The following ANKS1B variants were observed in gnomAD, a reference collection of about 807,000 sequenced individuals.
The protein encoded by ANKS1B is ankyrin repeat and sterile alpha motif domain containing 1B.
A neutral mutation model predicts 148.3 loss-of-function variants in ANKS1B; 36 were observed. The observed-to-expected ratio is 0.24, with a 90% CI of 0.19 to 0.32. The LOEUF is 0.32. Ranked by LOEUF, ANKS1B falls within the 10% of genes least tolerant of loss-of-function variation. ANKS1B has a pLI of 1.00. For synonymous variants in ANKS1B, 542 were observed against 560.8 expected, an observed-to-expected ratio of 0.97 and a Z score of 0.47; for missense variants, 1,157 against 1,542.6, an observed-to-expected ratio of 0.75 and a Z score of 4.19.
rs137904651 is a variant in ANKS1B at position 99,908,360 on chromosome 12, G to A, written c.134+75744C>T. 3.0e-4 allele frequency among the ~76,000 whole-genome samples: 46 copies of A among 152,070 alleles called. No individual in the cohort carries two copies. In the East Asian group the frequency reaches 7.2e-3, roughly 24 times the overall value. On this transcript the variant is annotated intron_variant, in intron 1 of 26. Transcript: ENST00000683438. ...TTTGGGAGGCTGAGGCTGGCAGATC[G>A]CTTGAGCTCAAAAGTTGGAGACCAG...
intron 8 of ANKS1B, among the ~76,000 whole-genome samples, chr12:99,770,586 G>A (rs1324477390): frequency 1.3e-5 from 2 of 151,718 alleles, no homozygotes; most frequent in African/African-American, 2.4e-5. Context: ...TTAAACATTC[G>A]CTAACAGGTT....
chr12:99,926,851 A>G (rs924545076), intron 1 of ANKS1B, among the ~76,000 whole-genome samples: 4 of 152,108 alleles, frequency 2.6e-5, no homozygotes, highest in Admixed American at 1.3e-4. Context: ...TGTGTTTACT[A>G]TCTTGTCTTC....
chr12:98,979,116 T>C (rs371235502), intron 17 of ANKS1B, among the ~76,000 whole-genome samples: 1 of 151,066 alleles, frequency 6.6e-6, no homozygotes, highest in East Asian at 2.0e-4. Context: ...CACTCTAGCC[T>C]GGGCAACAGA....
intron 17 of ANKS1B, among the ~76,000 whole-genome samples, chr12:98,878,716 A>C (rs1467897156): frequency 1.3e-5 from 2 of 152,194 alleles, no homozygotes; most frequent in African/African-American, 4.8e-5. Flanking sequence ...TGGGGAAACC[A>C]CATTGATTAA....
At chr12:98,900,030 C>A (rs1286744612) in intron 17 of ANKS1B, among the ~76,000 whole-genome samples, 1 of 152,140 alleles carries the variant, frequency 6.6e-6, no homozygotes, top group Non-Finnish European at 1.5e-5. Flanking sequence ...CCATCTGGAG[C>A]TATGTAGGGG....
chr12:99,261,071 T>G lies in ANKS1B; in HGVS notation c.1757-14207A>C, dbSNP rs534417355. The stretch of plus-strand genomic sequence containing the variant: ...GAAATATTAACCTAAAGTAAGAAAA[T>G]ATGGAAAGTGGTGTTCTAGCTCTGC... On this transcript the variant is annotated intron_variant, in intron 12 of 26. Coordinates refer to ENST00000683438, the MANE Select transcript of ANKS1B (RefSeq NM_001352186.2). Among the ~76,000 whole-genome samples, 6 of 152,234 alleles carry G rather than the reference T, an allele frequency of 3.9e-5. No individual in the cohort carries two copies. The South Asian group carries it at 1.0e-3, about 26-fold the overall frequency.
At chr12:98,976,367 C>A (rs1223686935) in intron 17 of ANKS1B, 1 of 152,198 alleles carries the variant, frequency 6.6e-6, no homozygotes, top group African/African-American at 2.4e-5. Flanking sequence ...TTACTAGAAT[C>A]TCCTTGATTT....
At chr12:99,063,906 C>A (rs750556796) in intron 16 of ANKS1B, among the ~76,000 whole-genome samples, 8 of 152,184 alleles carry the variant, frequency 5.3e-5, no homozygotes, top group Non-Finnish European at 1.0e-4. Context: ...CTGCTACTTG[C>A]AGCTCCTTTG....
intron 17 of ANKS1B, among the ~76,000 whole-genome samples, chr12:98,843,382 C>T (rs1481769393): frequency 6.6e-6 from 1 of 152,244 alleles, no homozygotes; most frequent in Non-Finnish European, 1.5e-5. Context: ...TTTGCCTCTT[C>T]ACACGTCAGC....
At chr12:98,794,422 AAGAC>A in intron 22 of ANKS1B, 1 of 203,990 alleles carries the variant, frequency 4.9e-6, no homozygotes, top group South Asian at 9.8e-5. Context: ...AAAAAAAAAA[AAGAC>A]TTCCTCTCAA....
intron 12 of ANKS1B, among the ~76,000 whole-genome samples, chr12:99,355,501 A>G (rs1324639986): frequency 6.6e-6 from 1 of 152,150 alleles, no homozygotes; most frequent in Non-Finnish European, 1.5e-5. Context: ...TGGGAGAATC[A>G]TATTATTCAG....
chr12:98,769,100 A>G (rs2098530715), intron 25 of ANKS1B, among the ~76,000 whole-genome samples: 2 of 150,588 alleles, frequency 1.3e-5, no homozygotes, highest in Admixed American at 6.6e-5. Context: ...ACAATTAAAA[A>G]TGTATACATA....
chr12:98,959,003 T>G (rs1017369757), intron 17 of ANKS1B, among the ~76,000 whole-genome samples: 1 of 152,216 alleles, frequency 6.6e-6, no homozygotes, highest in Non-Finnish European at 1.5e-5. Context: ...AGTTATACTT[T>G]ATAATAAAAA....
At chr12:98,963,314 G>A (rs1354019649) in intron 17 of ANKS1B, among the ~76,000 whole-genome samples, 1 of 151,668 alleles carries the variant, frequency 6.6e-6, no homozygotes, top group African/African-American at 2.4e-5. Flanking sequence ...TGGGTAACTG[G>A]GATTACAGGT....
chr12:99,508,469 G>A (rs1161945192), intron 9 of ANKS1B, among the ~76,000 whole-genome samples: 1 of 151,574 alleles, frequency 6.6e-6, no homozygotes, highest in Non-Finnish European at 1.5e-5. Context: ...AAAGTGGCAG[G>A]AGGGTTCAAA....
chr12:98,991,895 T>C (rs1019918293), intron 17 of ANKS1B, among the ~76,000 whole-genome samples: 1 of 152,150 alleles, frequency 6.6e-6, no homozygotes, highest in Non-Finnish European at 1.5e-5. Flanking sequence ...TACTGTGAGA[T>C]CTATAGATAA....
At chr12:99,609,273 G>A (rs1174827890) in intron 9 of ANKS1B, among the ~76,000 whole-genome samples, 1 of 151,876 alleles carries the variant, frequency 6.6e-6, no homozygotes, top group Non-Finnish European at 1.5e-5. Flanking sequence ...TTTCAGCCAG[G>A]ACAAACAACA....
At chr12:99,430,453 G>A (rs1165684307) in intron 11 of ANKS1B, among the ~76,000 whole-genome samples, 1 of 152,208 alleles carries the variant, frequency 6.6e-6, no homozygotes, top group African/African-American at 2.4e-5. Flanking sequence ...GCAAGTAAGT[G>A]TAGTGAGTCT....
chr12:99,413,182 T>C (rs953457361), intron 11 of ANKS1B, among the ~76,000 whole-genome samples: 5 of 152,192 alleles, frequency 3.3e-5, no homozygotes, highest in Non-Finnish European at 7.3e-5. Context: ...GCCTATAATG[T>C]TAGTATCAAA....
Sources: allele counts gnomAD v4.1 joint callset (sites outside exome capture counted in the v4.1 genomes callset), GRCh38; gene constraint gnomAD v4.1.1; transcripts MANE v1.5; gene names NCBI Gene and HGNC (gene_info 2026-07-23, HGNC 2026-07-21).